Variants in BRI3 observed in about 807,000 individuals in gnomAD.
BRI3 encodes the protein brain protein I3, also known as membrane protein BRI3.
In BRI3, 6 loss-of-function variants were observed where a neutral mutation model predicts 12.8. The ratio of observed to expected loss-of-function variants is 0.47; its 90% CI spans 0.26 to 0.93. The LOEUF (loss-of-function observed/expected upper bound fraction) is 0.93, where lower values mean the gene tolerates loss of function less well. Ranked by LOEUF, BRI3 falls within the 40% of genes least tolerant of loss-of-function variation. The pLI, the probability that BRI3 is intolerant of heterozygous loss-of-function variation, is 0.15. For synonymous variants in BRI3, 91 were observed against 76.1 expected, an observed-to-expected ratio of 1.20 and a Z score of -1.02; for missense variants, 134 against 171.1, an observed-to-expected ratio of 0.78 and a Z score of 1.21.
At chr7:98,308,347 T>C (rs920512737) in exon 2 of BRI3, 1 of 452,748 alleles carries the variant, frequency 2.2e-6, no homozygotes, top group Non-Finnish European at 4.5e-6. Context: ...GCAGTTGGTC[T>C]TGCCATGCTG....
At chr7:98,320,927 G>C in the BRI3 span, among the ~76,000 whole-genome samples, 144 of 152,300 alleles carry the variant, frequency 9.5e-4, 2 homozygotes, top group African/African-American at 3.3e-3. Flanking sequence ...CACGACCTTG[G>C]CTCACTGCAG....
chr7:98,284,443 C>T (rs1236382311), intron 2 of BRI3, among the ~76,000 whole-genome samples: 4 of 152,106 alleles, frequency 2.6e-5, no homozygotes, highest in Admixed American at 2.0e-4. Flanking sequence ...CTGCTGCTGG[C>T]GTGGGTGGGG....
upstream of BRI3, among the ~76,000 whole-genome samples, chr7:98,303,901 G>A (rs949175218): frequency 6.6e-6 from 1 of 152,198 alleles, no homozygotes; most frequent in Non-Finnish European, 1.5e-5. Flanking sequence ...CAGCCAGGCA[G>A]GAAAGATAAG....
rs1200763476 is a variant in BRI3 at position 98,290,178 on chromosome 7, G to GTT, written c.246-932_246-931dup. 5.0e-3 allele frequency among the ~76,000 whole-genome samples: 464 copies of GTT among 92,152 alleles called. 10 individuals carry two copies. The highest frequency in any genetic ancestry group is 9.8e-3 in the African/African-American group (277 of 28,244). 60.5% of individuals were successfully genotyped at this position (92,152 alleles called of 152,430 possible). A position where few individuals can be genotyped will look rare whatever the true frequency, so the allele number is the denominator to read the frequency against. On this transcript the variant is annotated intron_variant, in intron 2 of 2. Coordinates refer to ENST00000297290, the MANE Select transcript of BRI3 (RefSeq NM_015379.5). ...CACCAAAATGATCATGCCTCTCAAG[G>GTT]TTGTTTTTTTTTTTTTTTTTTTTTT...
intron 2 of BRI3, among the ~76,000 whole-genome samples, chr7:98,288,673 T>C (rs1340034931): frequency 6.6e-6 from 1 of 151,914 alleles, no homozygotes; most frequent in African/African-American, 2.4e-5. Flanking sequence ...TCAGAGCCTT[T>C]TGAGAACGAA....
intron 2 of BRI3, among the ~76,000 whole-genome samples, chr7:98,287,739 G>A (rs912388318): frequency 3.9e-5 from 6 of 152,226 alleles, no homozygotes; most frequent in African/African-American, 7.2e-5. Flanking sequence ...GGTCCCAGGC[G>A]CGAGCAGCAG....
chr7:98,318,945 CA>C, the BRI3 span, among the ~76,000 whole-genome samples: 20,576 of 114,412 alleles, frequency 0.18, 1,454 homozygotes, highest in South Asian at 0.33. Context: ...GACTCCATCT[CA>C]AAAAAAAAAA....
At chr7:98,291,022 T>A (rs1799924279) in intron 2 of BRI3, 89 bp from the exon 3 acceptor site, 3 of 1,461,290 alleles carry the variant, frequency 2.1e-6, no homozygotes, top group Non-Finnish European at 2.8e-6. Flanking sequence ...TGGCCACTGG[T>A]TGGTTATTGA....
At chr7:98,290,286 C>T (rs1270421005) in intron 2 of BRI3, among the ~76,000 whole-genome samples, 1 of 147,124 alleles carries the variant, frequency 6.8e-6, no homozygotes, top group East Asian at 2.1e-4. Context: ...AGCTCCGCTT[C>T]CTGGGTTCAC....
Position 98,298,145 on chromosome 7 carries a change from T to C in BRI3, c.72-8338T>C, listed in dbSNP as rs549648211. On this transcript the variant is annotated intron_variant and NMD_transcript_variant, in intron 1 of 2. Coordinates refer to the BRI3 transcript ENST00000491463. ...GTCCTGGCAAGTCTCCCCTGCCCCC[T>C]TGGGAGAAGCCCCTGCTCTCAGATC... is the stretch of plus-strand genomic sequence containing the variant. Among the ~76,000 whole-genome samples the C allele has an allele frequency of 5.9e-5, 9 of 152,304 alleles. No homozygotes were observed. In the East Asian group the frequency reaches 1.7e-3, roughly 29 times the overall value.
intron 1 of BRI3, chr7:98,306,820 G>GC (rs1800676174): frequency 2.6e-6 from 1 of 380,532 alleles, no homozygotes; most frequent in South Asian, 2.7e-5. Flanking sequence ...CAATCCCCCT[G>GC]CCTCAGCATC....
downstream of BRI3, chr7:98,293,712 G>C (rs974248580): frequency 6.3e-6 from 6 of 953,426 alleles, no homozygotes; most frequent in Non-Finnish European, 8.4e-6. Context: ...CACCTCCCCA[G>C]CTTGTACAGG....
At chr7:98,290,192 T>G (rs1347102362) in intron 2 of BRI3, among the ~76,000 whole-genome samples, 15 of 142,498 alleles carry the variant, frequency 1.1e-4, no homozygotes, top group Middle Eastern at 3.5e-3. Context: ...TTTTTTTTTT[T>G]TTTTTTTTTT....
At chr7:98,288,589 T>A (rs1438969613) in intron 2 of BRI3, among the ~76,000 whole-genome samples, 1 of 140,588 alleles carries the variant, frequency 7.1e-6, no homozygotes, top group Non-Finnish European at 1.6e-5. Context: ...GCAGCCCAGC[T>A]CAGCCCCTCC....
At chr7:98,288,623 A>T (rs1267541778) in intron 2 of BRI3, among the ~76,000 whole-genome samples, 5 of 151,820 alleles carry the variant, frequency 3.3e-5, no homozygotes, top group Admixed American at 3.3e-4. Flanking sequence ...GCGTTGTGTG[A>T]GTTTGGGAAA....
chr7:98,282,564 T>TC, intron 2 of BRI3, 111 bp downstream of exon 2: 1 of 876,706 alleles, frequency 1.1e-6, no homozygotes, highest in South Asian at 1.5e-5. Context: ...TTGACTTGGA[T>TC]CTTGACCAGA....
chr7:98,284,728 C>T (rs1292660186), intron 2 of BRI3, among the ~76,000 whole-genome samples: 1 of 152,240 alleles, frequency 6.6e-6, no homozygotes, highest in Non-Finnish European at 1.5e-5. Flanking sequence ...CTCTGCTGCC[C>T]TGGCCAGGCC....
chr7:98,282,734 G>T (rs879162995), intron 2 of BRI3: 1 of 400,510 alleles, frequency 2.5e-6, no homozygotes, highest in Non-Finnish European at 4.5e-6. Context: ...TGTAGAAATG[G>T]TAACAACGGG....
At position 98,291,095 on chromosome 7, in the gene BRI3, C is replaced by T. The variant is rs747598019; in HGVS notation, c.246-16C>T. The stretch of plus-strand genomic sequence containing the variant: ...GGTCCTTACGGTGCCACCCTCTCTG[C>T]CCGTCTCTGCTGCAGGGTTGGGGTG... On this transcript the variant is annotated splice_polypyrimidine_tract_variant and intron_variant, in intron 2 of 2. Coordinates refer to ENST00000297290, the MANE Select transcript of BRI3 (RefSeq NM_015379.5). The T allele has an allele frequency of 9.9e-6, 16 of 1,612,310 alleles. No homozygotes were observed. In the Admixed American group the frequency reaches 2.7e-4, roughly 27 times the overall value.
Sources: gnomAD v4.1 joint callset for allele counts (sites outside exome capture counted in the v4.1 genomes callset) on GRCh38, gnomAD v4.1.1 for gene constraint, MANE v1.5 for transcripts, NCBI Gene and HGNC (gene_info 2026-07-23, HGNC 2026-07-21) for gene names.